LAMC3: variants seen among roughly 807,000 people sequenced by gnomAD.
LAMC3 encodes laminin subunit gamma-3.
In LAMC3, 128 loss-of-function variants were observed where a neutral mutation model predicts 173.8. The ratio of observed to expected loss-of-function variants is 0.74; its 90% confidence interval spans 0.64 to 0.85. The LOEUF (loss-of-function observed/expected upper bound fraction) is 0.85, where lower values mean the gene tolerates loss of function less well. Ranked by LOEUF, LAMC3 falls within the 40% of genes least tolerant of loss-of-function variation. The probability of loss-of-function intolerance (pLI) is 0.00; values close to 1 mark genes in which losing one functional copy is unlikely to be tolerated. For missense variants in LAMC3, 2,022 were observed against 2,156.0 expected, an observed-to-expected ratio of 0.94 and a Z score of 1.23; for synonymous variants, 897 against 909.1, an observed-to-expected ratio of 0.99 and a Z score of 0.24.
intron 1 of LAMC3, among the ~76,000 whole-genome samples, chr9:131,022,948 C>T (rs1184794735): frequency 6.6e-6 from 1 of 151,910 alleles, no homozygotes; most frequent in Non-Finnish European, 1.5e-5. Flanking sequence ...ATCCTGAACC[C>T]CTATCCTGTG....
At chr9:131,088,360 A>G (rs1428838056) in intron 27 of LAMC3, among the ~76,000 whole-genome samples, 2 of 152,104 alleles carry the variant, frequency 1.3e-5, no homozygotes, top group Non-Finnish European at 2.9e-5. Flanking sequence ...GAAAGCGCTT[A>G]CCACGGTGCG....
At chr9:131,017,271 C>T (rs1833538968) in intron 1 of LAMC3, among the ~76,000 whole-genome samples, 4 of 152,192 alleles carry the variant, frequency 2.6e-5, no homozygotes, top group Admixed American at 6.5e-5. Flanking sequence ...AGGTAGCTGG[C>T]AGCTAGAAGC....
intron 1 of LAMC3, among the ~76,000 whole-genome samples, chr9:131,017,254 A>G (rs1323439561): frequency 1.3e-5 from 2 of 152,194 alleles, no homozygotes; most frequent in African/African-American, 4.8e-5. Context: ...GCTTGGAGCC[A>G]CTTGAAAGGT....
Position 131,070,815 on chromosome 9 carries a change from C to T in LAMC3, c.3070-669C>T, listed in dbSNP as rs148567088. The stretch of plus-strand genomic sequence containing the variant: ...AGTGATATTTATGCAGGAAAACAGA[C>T]GACTATTTCCACGAAGTGGGTAAAT... On this transcript the variant is annotated intron_variant, in intron 17 of 27. Coordinates refer to ENST00000361069, the MANE Select transcript of LAMC3 (RefSeq NM_006059.4). 2.4e-3 allele frequency among the ~76,000 whole-genome samples: 371 copies of T among 152,326 alleles called. 2 individuals carry two copies. Among genetic ancestry groups the T allele is most frequent in the African/African-American group, 8.3e-3 (347 of 41,574 alleles).
intron 6 of LAMC3, among the ~76,000 whole-genome samples, chr9:131,039,559 G>A (rs542476354): frequency 1.6e-4 from 24 of 152,108 alleles, no homozygotes; most frequent in South Asian, 2.1e-4. Context: ...TGGGGGGCAC[G>A]GGAGGCCTCT....
Position 131,085,674 on chromosome 9 carries a change from C to T in LAMC3, c.4181C>T (p.Ala1394Val). The change falls in exon 25 of 28, where the codon GCC becomes GTC. Residue 1394 changes from alanine (A) to valine (V), a missense_variant. Physicochemically the swap from Ala to Val is moderately conservative, Grantham distance 64 (BLOSUM62 0). Coordinates refer to ENST00000361069, the MANE Select transcript of LAMC3 (RefSeq NM_006059.4). Reference sequence around the variant, plus strand: ...AACGCGGCCCCTCTTTCCTCCAGTGCCAAGAAGAAGGGCAGAGAAGCAGAG... The same window carrying T: ...AACGCGGCCCCTCTTTCCTCCAGTGTCAAGAAGAAGGGCAGAGAAGCAGAG... Reference protein sequence around the residue: ...LGNAAPLSSSAKKKGREAEVL... With the variant: ...LGNAAPLSSSVKKKGREAEVL... 1.9e-6 allele frequency: 3 copies of T among 1,614,184 alleles called. No homozygotes were observed. The highest frequency in any genetic ancestry group is 2.5e-6 in the Non-Finnish European group (3 of 1,180,040).
At position 131,091,552 on chromosome 9, in the gene LAMC3, A is replaced by G; in HGVS notation, c.4493A>G (p.His1498Arg). ...LLARLGSLDT[H>R]QAPAQALNET... ...CCCACCACAGGGTCGCTGGACACCC[A>G]TCAAGCCCCAGCCCAGGCCCTGAAC... Residue 1498 changes from histidine (H) to arginine (R), a missense_variant, in exon 28 of 28, where the codon CAT (histidine) becomes CGT (arginine). By Grantham distance (29) the His-to-Arg change is conservative. Transcript: ENST00000361069. 3 of 1,584,368 alleles carry G rather than the reference A, an allele frequency of 1.9e-6. No individual in the cohort carries two copies. Among genetic ancestry groups the G allele is most frequent in the Non-Finnish European group, 2.6e-6 (3 of 1,165,998 alleles).
Position 131,060,946 on chromosome 9 carries a change from C to T in LAMC3, c.2159-89C>T, listed in dbSNP as rs1353343878. 22 of 1,373,730 alleles carry T rather than the reference C, an allele frequency of 1.6e-5. No homozygotes were observed. The African/African-American group carries it at 2.0e-4, about 12-fold the overall frequency. 85.1% of individuals were successfully genotyped at this position (1,373,730 alleles called of 1,614,324 possible). A position where few individuals can be genotyped will look rare whatever the true frequency, so the allele number is the denominator to read the frequency against. On this transcript the variant is annotated intron_variant, in intron 12 of 27. Transcript: ENST00000361069. ...GAAAGGTCCCCACCCCACTTCTGCCCGGGATGTGCTCCCTAACCTCTCCCA... is the reference window on the plus strand; with the variant it reads ...GAAAGGTCCCCACCCCACTTCTGCCTGGGATGTGCTCCCTAACCTCTCCCA...
intron 17 of LAMC3, 79 bp from the exon 18 acceptor site, chr9:131,071,405 G>T: frequency 1.3e-6 from 2 of 1,537,668 alleles, no homozygotes; most frequent in Non-Finnish European, 1.8e-6. Context: ...GAGAGTGGCA[G>T]GGTAGAAGCC....
Position 131,038,849 on chromosome 9 carries a change from C to T in LAMC3, c.977-15C>T. The T allele has an allele frequency of 1.2e-6, 2 of 1,612,402 alleles. No homozygotes were observed. Among genetic ancestry groups the T allele is most frequent in the Admixed American group, 1.7e-5 (1 of 60,024 alleles). ...CACAGGGGACTCACACACCTTTCCC[C>T]ACTCCTGCCCATAGCCTGCAACTGC... On this transcript the variant is annotated splice_polypyrimidine_tract_variant and intron_variant, in intron 4 of 27. Transcript: ENST00000361069.
chr9:131,061,917 G>A (rs558705594), intron 13 of LAMC3, among the ~76,000 whole-genome samples: 1 of 152,238 alleles, frequency 6.6e-6, no homozygotes, highest in South Asian at 2.1e-4. Flanking sequence ...TGGGTGTGGT[G>A]GCATGCACCT....
At chr9:131,010,151 T>TC (rs1264907580) in intron 1 of LAMC3, among the ~76,000 whole-genome samples, 4 of 50,012 alleles carry the variant, frequency 8.0e-5, no homozygotes, top group African/African-American at 2.2e-4. Context: ...TAACTCCGTC[T>TC]CAAAAAAAAA....
intron 3 of LAMC3, among the ~76,000 whole-genome samples, chr9:131,032,657 T>A (rs1475876265): frequency 1.5e-5 from 2 of 137,168 alleles, no homozygotes; most frequent in African/African-American, 5.5e-5. Flanking sequence ...TCACTCACTC[T>A]CTCTCACTCT....
At chr9:131,025,151 G>A (rs908500544) in intron 1 of LAMC3, among the ~76,000 whole-genome samples, 1 of 152,112 alleles carries the variant, frequency 6.6e-6, no homozygotes, top group South Asian at 2.1e-4. Context: ...TCCCGCGCCC[G>A]CACCCCAGGC....
chr9:131,075,757 A>AG, intron 20 of LAMC3, 74 bp from the exon 21 acceptor site: 1 of 1,512,168 alleles, frequency 6.6e-7, no homozygotes, highest in Non-Finnish European at 8.9e-7. Context: ...CCTGTGTAGT[A>AG]GGGGGCGTAG....
Position 131,022,640 on chromosome 9 carries a change from G to C in LAMC3, c.374-3645G>C, listed in dbSNP as rs538697192. On this transcript the variant is annotated intron_variant, in intron 1 of 27. Transcript: ENST00000361069. ...CAGTGGCACGATCACAGCTCACTGT[G>C]GCCTCTACCTCCTGAGCTCAAGCCA... Among the ~76,000 whole-genome samples the C allele has an allele frequency of 1.2e-4, 18 of 152,096 alleles. No homozygotes were observed. The East Asian group carries it at 3.5e-3, about 29-fold the overall frequency.
At chr9:131,062,037 C>G (rs967779031) in intron 13 of LAMC3, among the ~76,000 whole-genome samples, 2 of 150,500 alleles carry the variant, frequency 1.3e-5, no homozygotes, top group African/African-American at 4.9e-5. Flanking sequence ...GGTGACAGAG[C>G]CAGACCCTAT....
At chr9:131,015,893 G>A (rs1833511533) in intron 1 of LAMC3, among the ~76,000 whole-genome samples, 1 of 152,180 alleles carries the variant, frequency 6.6e-6, no homozygotes, top group Admixed American at 6.5e-5. Context: ...CCTGACCTCA[G>A]GTGATCTGCC....
intron 8 of LAMC3, among the ~76,000 whole-genome samples, chr9:131,046,215 C>G (rs1438232305): frequency 2.0e-5 from 2 of 102,138 alleles, no homozygotes; most frequent in Non-Finnish European, 3.5e-5. Flanking sequence ...TTTTTGGACA[C>G]AGGGTCTTGC....
Sources: gnomAD v4.1 joint callset for allele counts (sites outside exome capture counted in the v4.1 genomes callset) on GRCh38, gnomAD v4.1.1 for gene constraint, MANE v1.5 for transcripts, NCBI Gene and HGNC (gene_info 2026-07-23, HGNC 2026-07-21) for gene names.